Variants in GFRAL observed in about 807,000 individuals in gnomAD.
GFRAL encodes the protein GDNF family receptor alpha-like.
Under a neutral mutation model 45.4 loss-of-function variants are expected in GFRAL, and 36 were observed. That is an observed-to-expected ratio of 0.79 (90% CI 0.61 to 1.05). The LOEUF is 1.05. Ranked by LOEUF, GFRAL falls within the 50% of genes least tolerant of loss-of-function variation. GFRAL has a pLI of 0.00. For missense variants in GFRAL, 507 were observed against 467.5 expected (o/e 1.08, Z -0.78); for synonymous variants, 166 against 154.1 (o/e 1.08, Z -0.57).
At chr6:55,371,075 A>G (rs1057163344) in intron 6 of GFRAL, among the ~76,000 whole-genome samples, 2 of 152,144 alleles carry the variant, frequency 1.3e-5, no homozygotes, top group East Asian at 3.9e-4. Context: ...CTTCCAATCC[A>G]CAGATATATA....
chr6:55,384,786 T>A (rs1163782610), intron 6 of GFRAL, among the ~76,000 whole-genome samples: 1 of 151,858 alleles, frequency 6.6e-6, no homozygotes, highest in African/African-American at 2.4e-5. Context: ...GCAGTTGGAA[T>A]TTGCATCAGA....
At chr6:55,351,212 G>A (rs1305411004) in intron 4 of GFRAL, 41 bp from the exon 5 acceptor site, 1 of 1,360,150 alleles carries the variant, frequency 7.4e-7, no homozygotes, top group African/African-American at 1.5e-5. Context: ...GTACAGCTTT[G>A]TGTTTACTTT....
chr6:55,349,781 C>G (rs1349520929), intron 3 of GFRAL, among the ~76,000 whole-genome samples: 1 of 142,830 alleles, frequency 7.0e-6, no homozygotes, highest in Non-Finnish European at 1.5e-5. Context: ...TTTTTTTTTC[C>G]CCAGTCAGCA....
intron 3 of GFRAL, among the ~76,000 whole-genome samples, chr6:55,345,401 C>G (rs903893576): frequency 3.9e-4 from 59 of 152,302 alleles, no homozygotes; most frequent in Non-Finnish European, 7.3e-4. Flanking sequence ...ACATCTACAA[C>G]CATCTGATCT....
chr6:55,377,867 G>A (rs1430381070), intron 6 of GFRAL, among the ~76,000 whole-genome samples: 1 of 152,044 alleles, frequency 6.6e-6, no homozygotes, highest in Non-Finnish European at 1.5e-5. Context: ...GTTTATCTGG[G>A]AGCACATGTA....
intron 3 of GFRAL, among the ~76,000 whole-genome samples, chr6:55,341,110 G>A (rs896010142): frequency 8.5e-5 from 13 of 152,170 alleles, no homozygotes; most frequent in South Asian, 4.1e-4. Flanking sequence ...GGGCATAGCC[G>A]AACAAAAGAC....
At chr6:55,354,621 C>T (rs1399852000) in intron 5 of GFRAL, among the ~76,000 whole-genome samples, 2 of 151,844 alleles carry the variant, frequency 1.3e-5, no homozygotes, top group Admixed American at 6.6e-5. Context: ...CTATCATTTT[C>T]CTGAGCACAT....
intron 3 of GFRAL, among the ~76,000 whole-genome samples, chr6:55,346,416 T>A (rs1768042660): frequency 6.6e-6 from 1 of 151,992 alleles, no homozygotes; most frequent in East Asian, 1.9e-4. Flanking sequence ...CTGGAAACCA[T>A]CATTCTCAGC....
At chr6:55,369,432 C>A (rs983496011) in intron 6 of GFRAL, among the ~76,000 whole-genome samples, 2 of 152,150 alleles carry the variant, frequency 1.3e-5, no homozygotes, top group African/African-American at 2.4e-5. Context: ...AGCTGTAGAC[C>A]GGAGCTGTTC....
At chr6:55,339,011 G>T (rs1486434737) in intron 3 of GFRAL, among the ~76,000 whole-genome samples, 1 of 152,138 alleles carries the variant, frequency 6.6e-6, no homozygotes, top group East Asian at 1.9e-4. Flanking sequence ...AAGAATATCA[G>T]TTAAAAAGCC....
intron 6 of GFRAL, among the ~76,000 whole-genome samples, chr6:55,363,625 C>A (rs2127358519): frequency 7.5e-6 from 1 of 132,922 alleles, no homozygotes; most frequent in East Asian, 2.3e-4. Context: ...GTGTGATATT[C>A]CCCTTCCTGT....
intron 6 of GFRAL, among the ~76,000 whole-genome samples, chr6:55,398,289 A>G (rs1048088883): frequency 2.6e-5 from 4 of 152,214 alleles, no homozygotes. Flanking sequence ...TCAAAAATGC[A>G]GGAAGCATCT....
chr6:55,388,751 C>A (rs1768711245), intron 6 of GFRAL, among the ~76,000 whole-genome samples: 1 of 152,114 alleles, frequency 6.6e-6, no homozygotes, highest in Non-Finnish European at 1.5e-5. Context: ...TGAAAGGGAA[C>A]TTTTGAGGTG....
At chr6:55,372,079 T>A (rs1347259490) in intron 6 of GFRAL, among the ~76,000 whole-genome samples, 1 of 152,204 alleles carries the variant, frequency 6.6e-6, no homozygotes, top group African/African-American at 2.4e-5. Flanking sequence ...TTGTCTTATT[T>A]GGATTTTAAG....
intron 6 of GFRAL, among the ~76,000 whole-genome samples, chr6:55,369,264 G>A (rs963532702): frequency 2.6e-5 from 4 of 152,202 alleles, no homozygotes; most frequent in Non-Finnish European, 5.9e-5. Context: ...GACCCCTTGC[G>A]CTTCCCAAGT....
chr6:55,399,277 T>C lies in GFRAL; in HGVS notation c.1048+2T>C. 6.3e-7 allele frequency: 1 copy of C among 1,577,058 alleles called. No individual in the cohort carries two copies. Among genetic ancestry groups the C allele is most frequent in the South Asian group, 1.1e-5 (1 of 89,110 alleles). On this transcript the variant is annotated splice_donor_variant, in intron 7 of 8. Transcript: ENST00000340465. LOFTEE classifies it high-confidence loss of function. Reference sequence around the variant, plus strand: ...CTGGATTTCATTCCCCCTTCAATGGTCAGTTAAAAATCAATCCTCTATAAT... The same window carrying C: ...CTGGATTTCATTCCCCCTTCAATGGCCAGTTAAAAATCAATCCTCTATAAT...
intron 3 of GFRAL, among the ~76,000 whole-genome samples, chr6:55,349,023 AC>A (rs1358467397): frequency 1.3e-5 from 2 of 152,132 alleles, no homozygotes; most frequent in African/African-American, 4.8e-5. Context: ...GAATAGTAGC[AC>A]AGAAGTTGGA....
chr6:55,376,222 T>C (rs1258522764), intron 6 of GFRAL, among the ~76,000 whole-genome samples: 1 of 152,106 alleles, frequency 6.6e-6, no homozygotes, highest in African/African-American at 2.4e-5. Flanking sequence ...TTGATCGTGG[T>C]GGATAAGATT....
At chr6:55,379,172 T>C (rs1768573588) in intron 6 of GFRAL, among the ~76,000 whole-genome samples, 1 of 151,950 alleles carries the variant, frequency 6.6e-6, no homozygotes, top group East Asian at 1.9e-4. Flanking sequence ...ATTTTTAACT[T>C]TTATTTTAGG....
Sources: gnomAD v4.1 joint callset for allele counts (sites outside exome capture counted in the v4.1 genomes callset) on GRCh38, gnomAD v4.1.1 for gene constraint, MANE v1.5 for transcripts, NCBI Gene and HGNC (gene_info 2026-07-23, HGNC 2026-07-21) for gene names.